The following RIT2 variants were observed in gnomAD, a reference collection of about 807,000 sequenced individuals.
RIT2 encodes GTP-binding protein Rit2.
Under a neutral mutation model 23.7 loss-of-function variants are expected in RIT2, and 24 were observed. The ratio of observed to expected loss-of-function variants is 1.01; its 90% CI spans 0.73 to 1.43. The LOEUF (loss-of-function observed/expected upper bound fraction) is 1.43. Ranked by LOEUF, RIT2 falls within the 40% of genes most tolerant of loss-of-function variation. The pLI is 0.00. For synonymous variants in RIT2, 107 were observed against 91.1 expected, an observed-to-expected ratio of 1.17 and a Z score of -0.99; for missense variants, 236 against 266.9, an observed-to-expected ratio of 0.88 and a Z score of 0.81.
intron 4 of RIT2, among the ~76,000 whole-genome samples, chr18:42,899,780 T>A (rs1176034038): frequency 6.6e-6 from 1 of 152,150 alleles, no homozygotes; most frequent in African/African-American, 2.4e-5. Context: ...TAACATATCC[T>A]GTTAGACTTT....
chr18:42,843,221 A>C (rs1906815110), intron 4 of RIT2, among the ~76,000 whole-genome samples: 1 of 152,152 alleles, frequency 6.6e-6, no homozygotes, highest in South Asian at 2.1e-4. Flanking sequence ...CCAGGTAGGG[A>C]CACCATACTT....
At chr18:43,022,148 G>A (rs1222766615) in intron 2 of RIT2, among the ~76,000 whole-genome samples, 2 of 152,156 alleles carry the variant, frequency 1.3e-5, no homozygotes, top group African/African-American at 2.4e-5. Context: ...ATCCTGGCAT[G>A]TGCCACAACA....
At chr18:42,801,152 GA>G (rs148024579) in intron 4 of RIT2, among the ~76,000 whole-genome samples, 2,496 of 151,946 alleles carry the variant, frequency 0.016, 75 homozygotes, top group African/African-American at 0.057. Flanking sequence ...CGATGGTGAA[GA>G]AAAAAAAGAA....
intron 2 of RIT2, among the ~76,000 whole-genome samples, chr18:43,027,497 A>C (rs1190227043): frequency 6.6e-6 from 1 of 151,976 alleles, no homozygotes; most frequent in African/African-American, 2.4e-5. Flanking sequence ...AGTTCACCTA[A>C]GTTAATAAGT....
At chr18:43,014,363 G>C (rs942172530) in intron 2 of RIT2, among the ~76,000 whole-genome samples, 124 of 151,802 alleles carry the variant, frequency 8.2e-4, no homozygotes, top group African/African-American at 2.8e-3. Context: ...TGCTTAGAAG[G>C]CTTAAAAACT....
chr18:42,815,976 A>C (rs1487209986), intron 4 of RIT2, among the ~76,000 whole-genome samples: 1 of 152,138 alleles, frequency 6.6e-6, no homozygotes, highest in Admixed American at 6.5e-5. Flanking sequence ...CAGTTGAAAG[A>C]CTTGGCTTTC....
chr18:42,813,989 C>A (rs2143981045), intron 4 of RIT2, among the ~76,000 whole-genome samples: 2 of 152,286 alleles, frequency 1.3e-5, no homozygotes, highest in South Asian at 2.1e-4. Flanking sequence ...GGAGAAGATT[C>A]TAACCCTACC....
intron 2 of RIT2, among the ~76,000 whole-genome samples, chr18:43,007,171 T>G (rs2144249521): frequency 6.6e-6 from 1 of 151,766 alleles, no homozygotes; most frequent in Non-Finnish European, 1.5e-5. Context: ...TAGAAGGAAC[T>G]TCAGATGACT....
intron 1 of RIT2, among the ~76,000 whole-genome samples, chr18:43,105,465 G>T (rs199526365): frequency 6.9e-6 from 1 of 145,004 alleles, no homozygotes; most frequent in Non-Finnish European, 1.5e-5. Flanking sequence ...AGGGAGGAAG[G>T]GAGGAAGAGA....
intron 4 of RIT2, among the ~76,000 whole-genome samples, chr18:42,861,107 T>C (rs534252322): frequency 6.6e-6 from 1 of 152,202 alleles, no homozygotes; most frequent in Non-Finnish European, 1.5e-5. Flanking sequence ...GAAAATAAAA[T>C]AAAACAACTA....
chr18:43,090,979 G>A (rs1913410114), intron 1 of RIT2, among the ~76,000 whole-genome samples: 1 of 151,732 alleles, frequency 6.6e-6, no homozygotes. Flanking sequence ...CATGACACAA[G>A]TTTATCTGTA....
At chr18:42,866,735 C>T (rs893183194) in intron 4 of RIT2, among the ~76,000 whole-genome samples, 2 of 151,676 alleles carry the variant, frequency 1.3e-5, no homozygotes, top group Admixed American at 1.3e-4. Context: ...TTAGAAAATA[C>T]CTCAATCCCA....
intron 2 of RIT2, among the ~76,000 whole-genome samples, chr18:42,996,572 C>T (rs1439647325): frequency 6.6e-6 from 1 of 152,014 alleles, no homozygotes; most frequent in Non-Finnish European, 1.5e-5. Flanking sequence ...TCCTGGCTCA[C>T]CCTGGCTCAA....
At chr18:42,883,443 T>C (rs891884499) in intron 4 of RIT2, among the ~76,000 whole-genome samples, 2 of 152,168 alleles carry the variant, frequency 1.3e-5, no homozygotes, top group South Asian at 2.1e-4. Flanking sequence ...AAATCTTCTG[T>C]TGAAGAAATT....
chr18:42,915,862 T>C (rs1006820737), intron 4 of RIT2, among the ~76,000 whole-genome samples: 3 of 151,796 alleles, frequency 2.0e-5, no homozygotes, highest in Admixed American at 1.3e-4. Context: ...TATATATATA[T>C]ACATATGTTT....
At chr18:43,106,310 A>G (rs1031153877) in intron 1 of RIT2, among the ~76,000 whole-genome samples, 5 of 152,230 alleles carry the variant, frequency 3.3e-5, no homozygotes, top group Admixed American at 6.5e-5. Flanking sequence ...TTTATTGCTC[A>G]TTTTAAAGCA....
intron 4 of RIT2, among the ~76,000 whole-genome samples, chr18:42,830,136 C>A (rs1906414966): frequency 6.6e-6 from 1 of 152,126 alleles, no homozygotes; most frequent in African/African-American, 2.4e-5. Context: ...ATGTAATGGG[C>A]AGAATTTAGA....
intron 1 of RIT2, among the ~76,000 whole-genome samples, chr18:43,098,455 G>A (rs1913605690): frequency 6.6e-6 from 1 of 151,886 alleles, no homozygotes; most frequent in Admixed American, 6.6e-5. Flanking sequence ...AGAGAGAATA[G>A]TTGTAACACA....
chr18:42,996,693 C>T (rs1014104323), intron 2 of RIT2, among the ~76,000 whole-genome samples: 3 of 151,914 alleles, frequency 2.0e-5, no homozygotes, highest in Non-Finnish European at 4.4e-5. Context: ...ACGGCCTCAC[C>T]CCTATCTCCC....
Sources: gnomAD v4.1 joint callset for allele counts (sites outside exome capture counted in the v4.1 genomes callset) on GRCh38, gnomAD v4.1.1 for gene constraint, MANE v1.5 for transcripts, NCBI Gene and HGNC (gene_info 2026-07-23, HGNC 2026-07-21) for gene names.